Variants in EBF1 observed in about 807,000 individuals in gnomAD.
EBF1 encodes transcription factor COE1.
A neutral mutation model predicts 68.4 loss-of-function variants in EBF1; 10 were observed. The ratio of observed to expected loss-of-function variants is 0.15; its 90% confidence interval spans 0.09 to 0.25. EBF1 has a LOEUF of 0.25. EBF1 is among the 10% of genes least tolerant of loss of function. EBF1 has a pLI of 1.00. For missense variants in EBF1, 509 were observed against 794.4 expected (o/e 0.64, Z 4.32); for synonymous variants, 298 against 299.8 (o/e 0.99, Z 0.06).
In EBF1 at chr5:158,868,491, G is replaced by A. The variant is rs572553276; in HGVS notation, c.555-28381C>T. On this transcript the variant is annotated intron_variant, in intron 6 of 15. Transcript: ENST00000313708. Reference sequence around the variant, plus strand: ...GTTTGTTTGTTTTTTTCTGGGATCTGTGAATGTCTAGTTCAAGGACTAACA... The same window carrying A: ...GTTTGTTTGTTTTTTTCTGGGATCTATGAATGTCTAGTTCAAGGACTAACA... 1.2e-4 allele frequency among the ~76,000 whole-genome samples: 18 copies of A among 152,300 alleles called. No homozygotes were observed. The South Asian group carries it at 3.7e-3, about 32-fold the overall frequency.
intron 10 of EBF1, among the ~76,000 whole-genome samples, chr5:158,752,828 C>T (rs1769223936): frequency 6.6e-6 from 1 of 152,024 alleles, no homozygotes; most frequent in South Asian, 2.1e-4. Context: ...GAACTGCTCA[C>T]ACCACACAGA....
chr5:158,992,920 T>C (rs890723191), intron 6 of EBF1, among the ~76,000 whole-genome samples: 14 of 5,566 alleles, frequency 2.5e-3, no homozygotes, highest in African/African-American at 6.1e-3. Context: ...TTTCTTTCTT[T>C]TTTTTTTTTT....
At chr5:158,799,124 A>G (rs1780111868) in intron 8 of EBF1, among the ~76,000 whole-genome samples, 1 of 152,140 alleles carries the variant, frequency 6.6e-6, no homozygotes, top group African/African-American at 2.4e-5. Context: ...GGAAGCTAGT[A>G]GTATTTAGTA....
At chr5:158,993,514 C>G (rs934604161) in intron 6 of EBF1, among the ~76,000 whole-genome samples, 1 of 152,074 alleles carries the variant, frequency 6.6e-6, no homozygotes, top group Non-Finnish European at 1.5e-5. Flanking sequence ...ACAGGCATAG[C>G]AATGGTGATG....
intron 6 of EBF1, among the ~76,000 whole-genome samples, chr5:159,051,511 C>T (rs1773735231): frequency 6.8e-6 from 1 of 146,524 alleles, no homozygotes; most frequent in South Asian, 2.3e-4. Flanking sequence ...CTTTCGCTGG[C>T]GACAAACTGG....
intron 4 of EBF1, among the ~76,000 whole-genome samples, chr5:159,088,693 T>C (rs572954609): frequency 2.6e-5 from 4 of 152,238 alleles, no homozygotes; most frequent in South Asian, 2.1e-4. Context: ...GTCTGCTCAC[T>C]ATGAGGAAGG....
At chr5:158,853,758 G>A (rs539375940) in intron 6 of EBF1, among the ~76,000 whole-genome samples, 15 of 152,144 alleles carry the variant, frequency 9.9e-5, no homozygotes, top group Admixed American at 2.0e-4. Context: ...ACATGCACAC[G>A]CGCACACACA....
intron 6 of EBF1, among the ~76,000 whole-genome samples, chr5:158,883,422 G>GTA (rs34191014): frequency 0.16 from 22,569 of 143,512 alleles, 1,781 homozygotes; most frequent in Middle Eastern, 0.16. Context: ...ACATACATAC[G>GTA]TATATATATA....
At chr5:158,886,147 G>A (rs1448004659) in intron 6 of EBF1, among the ~76,000 whole-genome samples, 2 of 152,220 alleles carry the variant, frequency 1.3e-5, no homozygotes, top group African/African-American at 4.8e-5. Context: ...CAAGGATACA[G>A]CTATTGTCTA....
chr5:159,040,834 T>C (rs1182096778), intron 6 of EBF1, among the ~76,000 whole-genome samples: 1 of 152,236 alleles, frequency 6.6e-6, no homozygotes, highest in African/African-American at 2.4e-5. Flanking sequence ...TATGAATCTA[T>C]TCTCCTGCTG....
chr5:158,913,992 C>T (rs748624987), intron 6 of EBF1, among the ~76,000 whole-genome samples: 1 of 152,094 alleles, frequency 6.6e-6, no homozygotes, highest in African/African-American at 2.4e-5. Context: ...TCATTAAGAC[C>T]AGATATCAAT....
intron 8 of EBF1, among the ~76,000 whole-genome samples, chr5:158,798,747 C>G (rs1198168783): frequency 6.6e-6 from 1 of 152,154 alleles, no homozygotes; most frequent in Non-Finnish European, 1.5e-5. Flanking sequence ...GCCTCAGAGG[C>G]AAGAAAGAGC....
At chr5:158,709,745 T>G (rs190610336) in intron 14 of EBF1, among the ~76,000 whole-genome samples, 1 of 152,342 alleles carries the variant, frequency 6.6e-6, no homozygotes, top group East Asian at 1.9e-4. Context: ...GAGGCCAGCA[T>G]TTTTATACAT....
intron 8 of EBF1, among the ~76,000 whole-genome samples, chr5:158,817,115 G>A (rs997433320): frequency 6.6e-6 from 1 of 151,918 alleles, no homozygotes; most frequent in East Asian, 1.9e-4. Context: ...AGCCCTCACA[G>A]CCACCCTAGT....
chr5:158,853,780 A>T (rs933502182), intron 6 of EBF1, among the ~76,000 whole-genome samples: 1 of 152,220 alleles, frequency 6.6e-6, no homozygotes, highest in Non-Finnish European at 1.5e-5. Context: ...TCACATACAC[A>T]TACATTTATG....
chr5:159,093,826 G>T (rs1160931821), intron 4 of EBF1, among the ~76,000 whole-genome samples: 1 of 151,870 alleles, frequency 6.6e-6, no homozygotes, highest in African/African-American at 2.4e-5. Flanking sequence ...TCTTACAATT[G>T]TTCATTTCAT....
intron 6 of EBF1, among the ~76,000 whole-genome samples, chr5:158,869,578 AACACACACACACACACACACACACACAC>A (rs3035120): frequency 2.8e-5 from 4 of 145,172 alleles, no homozygotes; most frequent in Non-Finnish European, 6.0e-5. Flanking sequence ...GATCCTAATA[AACACACACACACACACACACACACACAC>A]ACACACACAC....
At chr5:159,065,460 C>A (rs986434208) in intron 6 of EBF1, among the ~76,000 whole-genome samples, 2 of 152,088 alleles carry the variant, frequency 1.3e-5, no homozygotes, top group African/African-American at 4.8e-5. Context: ...TGATAATTTT[C>A]AATTCATCAA....
At chr5:159,020,089 A>AC (rs1302583605) in intron 6 of EBF1, among the ~76,000 whole-genome samples, 2 of 151,068 alleles carry the variant, frequency 1.3e-5, no homozygotes, top group African/African-American at 4.9e-5. Context: ...TTTTCAAAGG[A>AC]CCCCTGTTGC....
Sources: allele counts gnomAD v4.1 joint callset (sites outside exome capture counted in the v4.1 genomes callset), GRCh38; gene constraint gnomAD v4.1.1; transcripts MANE v1.5; gene names NCBI Gene and HGNC (gene_info 2026-07-23, HGNC 2026-07-21).